Variants in PCDH7 observed in about 807,000 individuals in gnomAD.
The protein encoded by PCDH7 is protocadherin 7.
PCDH7 carries 17 observed loss-of-function variants against 58.9 expected under a neutral mutation model. The observed-to-expected ratio is 0.29, with a 90% CI of 0.20 to 0.43. The LOEUF (loss-of-function observed/expected upper bound fraction) is 0.43. Ranked by LOEUF, PCDH7 falls within the 20% of genes least tolerant of loss-of-function variation. The pLI is 1.00. For missense variants in PCDH7, 1,274 were observed against 1,441.0 expected (o/e 0.88, Z 1.88); for synonymous variants, 664 against 616.4 (o/e 1.08, Z -1.14).
intron 2 of PCDH7, among the ~76,000 whole-genome samples, chr4:30,931,570 A>G (rs1318458872): frequency 6.6e-6 from 1 of 151,834 alleles, no homozygotes; most frequent in Admixed American, 6.6e-5. Context: ...GCGAAACTCC[A>G]TCTCAAAAAA....
chr4:30,817,592 T>C (rs926618906), intron 1 of PCDH7, among the ~76,000 whole-genome samples: 2 of 152,142 alleles, frequency 1.3e-5, no homozygotes, highest in African/African-American at 4.8e-5. Flanking sequence ...GAACATGCAG[T>C]TTTTAATACT....
chr4:30,758,196 T>A lies in PCDH7; in HGVS notation c.70+33600T>A, dbSNP rs144522938. On this transcript the variant is annotated intron_variant, in intron 1 of 3. Coordinates refer to the PCDH7 transcript ENST00000509759. ...CTAAACTGTAGGAGGGAGGAAACCA[T>A]GTGAATATTGAGCATCTCACCACAC... 7.2e-5 allele frequency among the ~76,000 whole-genome samples: 11 copies of A among 152,218 alleles called. No homozygotes were observed. In the East Asian group the frequency reaches 2.1e-3, roughly 29 times the overall value.
At chr4:30,959,225 A>G (rs570779103) in intron 3 of PCDH7, among the ~76,000 whole-genome samples, 14 of 151,266 alleles carry the variant, frequency 9.3e-5, no homozygotes, top group African/African-American at 2.7e-4. Flanking sequence ...GCAAAAAGGA[A>G]CATTTTAGCA....
At chr4:31,136,643 T>C (rs1719635982) in intron 3 of PCDH7, among the ~76,000 whole-genome samples, 1 of 152,184 alleles carries the variant, frequency 6.6e-6, no homozygotes, top group Non-Finnish European at 1.5e-5. Flanking sequence ...ATTTCTCCTC[T>C]TCCAGAAAGT....
At chr4:30,818,816 T>A (rs1032512223) in intron 1 of PCDH7, among the ~76,000 whole-genome samples, 1 of 152,036 alleles carries the variant, frequency 6.6e-6, no homozygotes, top group African/African-American at 2.4e-5. Context: ...AAAATACTCA[T>A]GACAATACCT....
intron 1 of PCDH7, among the ~76,000 whole-genome samples, chr4:30,829,909 A>C (rs574060221): frequency 6.6e-6 from 1 of 152,232 alleles, no homozygotes; most frequent in African/African-American, 2.4e-5. Context: ...CAGTTGCCCC[A>C]TTGACACCAT....
At chr4:30,971,338 A>G (rs990329945) in intron 3 of PCDH7, among the ~76,000 whole-genome samples, 5 of 152,240 alleles carry the variant, frequency 3.3e-5, no homozygotes, top group Non-Finnish European at 7.3e-5. Flanking sequence ...ATTACTCTGC[A>G]AATTCTGGCA....
intron 3 of PCDH7, among the ~76,000 whole-genome samples, chr4:31,112,221 G>A (rs1190987091): frequency 6.6e-6 from 1 of 151,974 alleles, no homozygotes; most frequent in Non-Finnish European, 1.5e-5. Context: ...CTAACTTTCT[G>A]TCTTTCCTTA....
intron 3 of PCDH7, among the ~76,000 whole-genome samples, chr4:31,134,897 C>G (rs1719413263): frequency 6.6e-6 from 1 of 152,224 alleles, no homozygotes; most frequent in Middle Eastern, 3.4e-3. Context: ...AATAGCTGGG[C>G]TGAAAATAGC....
At chr4:30,832,476 A>G (rs1173181727) in intron 1 of PCDH7, among the ~76,000 whole-genome samples, 1 of 152,176 alleles carries the variant, frequency 6.6e-6, no homozygotes, top group African/African-American at 2.4e-5. Flanking sequence ...TCTTTCATTG[A>G]TAAATATTCA....
At chr4:31,087,271 C>T (rs1258323466) in intron 3 of PCDH7, among the ~76,000 whole-genome samples, 1 of 152,000 alleles carries the variant, frequency 6.6e-6, no homozygotes, top group Non-Finnish European at 1.5e-5. Flanking sequence ...CTTTTTTTCA[C>T]ACTTGGAATT....
intron 3 of PCDH7, among the ~76,000 whole-genome samples, chr4:30,959,609 T>C (rs1258142262): frequency 2.0e-5 from 3 of 152,172 alleles, no homozygotes; most frequent in Non-Finnish European, 4.4e-5. Context: ...GTAAAATGTG[T>C]AGGCTACTTT....
At chr4:31,061,774 T>C (rs2109238787) in intron 3 of PCDH7, among the ~76,000 whole-genome samples, 1 of 151,836 alleles carries the variant, frequency 6.6e-6, no homozygotes, top group African/African-American at 2.4e-5. Flanking sequence ...AAGTGAAATT[T>C]TTACTGATTT....
chr4:30,822,932 C>T (rs185012776), intron 1 of PCDH7, among the ~76,000 whole-genome samples: 25 of 152,042 alleles, frequency 1.6e-4, no homozygotes, highest in African/African-American at 5.3e-4. Context: ...CAGCGTTTTG[C>T]GTTTTATATG....
At chr4:31,123,052 T>C (rs1717878828) in intron 3 of PCDH7, among the ~76,000 whole-genome samples, 1 of 152,090 alleles carries the variant, frequency 6.6e-6, no homozygotes. Context: ...ATGTGCATTT[T>C]AATATTTGTT....
chr4:31,046,013 T>G (rs1196299066), intron 3 of PCDH7, among the ~76,000 whole-genome samples: 1 of 152,044 alleles, frequency 6.6e-6, no homozygotes, highest in Non-Finnish European at 1.5e-5. Context: ...AATCTATTTT[T>G]ATGTGAAATG....
At chr4:30,807,703 A>G (rs1190036719) in intron 1 of PCDH7, among the ~76,000 whole-genome samples, 2 of 152,120 alleles carry the variant, frequency 1.3e-5, no homozygotes, top group Non-Finnish European at 2.9e-5. Flanking sequence ...TAAAGATGTG[A>G]TGGAGCAAAG....
chr4:31,021,174 G>T (rs1414702707), intron 3 of PCDH7, among the ~76,000 whole-genome samples: 1 of 152,142 alleles, frequency 6.6e-6, no homozygotes, highest in Non-Finnish European at 1.5e-5. Context: ...TAAGTCATGG[G>T]ATAAGGGTCT....
At chr4:30,980,549 A>C (rs929970995) in intron 3 of PCDH7, among the ~76,000 whole-genome samples, 2 of 152,176 alleles carry the variant, frequency 1.3e-5, no homozygotes, top group Non-Finnish European at 2.9e-5. Context: ...TCCAGTGTTC[A>C]TGTTGTATTT....
Sources: gnomAD v4.1 joint callset for allele counts (sites outside exome capture counted in the v4.1 genomes callset) on GRCh38, gnomAD v4.1.1 for gene constraint, MANE v1.5 for transcripts, NCBI Gene and HGNC (gene_info 2026-07-23, HGNC 2026-07-21) for gene names.